Variants in CCDC124 observed in about 807,000 individuals in gnomAD.
CCDC124 encodes coiled-coil domain-containing protein 124.
CCDC124 carries 9 observed loss-of-function variants against 19.8 expected under a neutral mutation model. The ratio of observed to expected loss-of-function variants is 0.45; its 90% confidence interval spans 0.27 to 0.79. The LOEUF is 0.79. Among genes scored for constraint, CCDC124 ranks in the 30% least tolerant of loss-of-function variants. CCDC124 has a pLI of 0.14. For synonymous variants in CCDC124, 126 were observed against 131.3 expected, an observed-to-expected ratio of 0.96 and a Z score of 0.27; for missense variants, 285 against 319.0, an observed-to-expected ratio of 0.89 and a Z score of 0.81.
chr19:17,939,130 C>CAG (rs1235272323), intron 2 of CCDC124, among the ~76,000 whole-genome samples: 4 of 152,190 alleles, frequency 2.6e-5, no homozygotes, highest in African/African-American at 9.7e-5. Flanking sequence ...TGCGGTGGCT[C>CAG]ACGCCTGTCA....
chr19:17,936,474 T>G lies in CCDC124; in HGVS notation c.54T>G (p.Arg18=), dbSNP rs4808722. The G allele has an allele frequency of 0.37, 596,819 of 1,612,308 alleles. 114,824 individuals carry two copies. Among genetic ancestry groups the G allele is most frequent in the African/African-American group, 0.59 (44,457 of 74,974 alleles). The stretch of plus-strand genomic sequence containing the variant: ...CCAAGTCGGCAGCGGCCCGGGCACG[T>G]AGGGCAGAGGCCAAGGCGGCCGCTG... ...ENTKSAAARA[R]RAEAKAAADA... The change falls in exon 2 of 5, where the codon CGT becomes CGG. Residue 18 remains arginine (R), a synonymous_variant. Transcript: ENST00000445755.
chr19:17,941,555 T>TGA (rs971919856), intron 2 of CCDC124, among the ~76,000 whole-genome samples: 2 of 150,682 alleles, frequency 1.3e-5, no homozygotes, highest in African/African-American at 4.9e-5. Context: ...AATGTGTGTG[T>TGA]GACACGCATC....
Position 17,942,643 on chromosome 19 carries a change from G to A in CCDC124, c.160-13G>A, listed in dbSNP as rs776497505. On this transcript the variant is annotated splice_polypyrimidine_tract_variant and intron_variant, in intron 2 of 4. Coordinates refer to ENST00000445755, the MANE Select transcript of CCDC124 (RefSeq NM_001136203.2). This position sits in a 1 kb window ranked among gnomAD's most constrained non-coding sequence, Gnocchi z 4.2. ...TGGGGTCTTCTGCCTGACCATGCAC[G>A]CCGCCCCCGCAGGAGGAGAAGGAGA... 5.2e-6 allele frequency: 8 copies of A among 1,552,018 alleles called. No individual in the cohort carries two copies. The highest frequency in any genetic ancestry group is 3.9e-5 in the Admixed American group (2 of 50,938).
At position 17,943,241 on chromosome 19, in the gene CCDC124, T is replaced by TCTGGGGGCC; in HGVS notation, c.350-19_350-18insTGGGGGCCC. ...CTTTGCTTATCTCTCTCTGTCTCTGTCACCCACCCACCCGCCCAGCCGAGA... is the reference window on the plus strand; with the variant it reads ...CTTTGCTTATCTCTCTCTGTCTCTGTCTGGGGGCCCACCCACCCACCCGCCCAGCCGAGA... On this transcript the variant is annotated intron_variant, in intron 3 of 4. Coordinates refer to ENST00000445755, the MANE Select transcript of CCDC124 (RefSeq NM_001136203.2). The TCTGGGGGCC allele has an allele frequency of 2.0e-5, 15 of 736,636 alleles. No homozygotes were observed. The highest frequency in any genetic ancestry group is 8.1e-5 in the East Asian group (3 of 37,082). The allele number at this position is 736,636 out of a possible 1,614,324, so 45.6% of individuals were successfully genotyped here. A position where few individuals can be genotyped will look rare whatever the true frequency, so the allele number is the denominator to read the frequency against.
intron 2 of CCDC124, among the ~76,000 whole-genome samples, chr19:17,940,130 C>T (rs2031147723): frequency 6.6e-6 from 1 of 151,666 alleles, no homozygotes; most frequent in Admixed American, 6.6e-5. Context: ...CCAGGCTGGT[C>T]TCCAACTCCT....
At chr19:17,935,519 C>T (rs191363871) in intron 1 of CCDC124, among the ~76,000 whole-genome samples, 1 of 151,846 alleles carries the variant, frequency 6.6e-6, no homozygotes, top group East Asian at 1.9e-4. Context: ...CTCCCGGGTT[C>T]AAGTGATTCT....
chr19:17,941,557 A>G (rs982729386), intron 2 of CCDC124, among the ~76,000 whole-genome samples: 2 of 151,150 alleles, frequency 1.3e-5, no homozygotes, highest in African/African-American at 4.9e-5. Context: ...TGTGTGTGTG[A>G]CACGCATCGG....
At chr19:17,935,449 C>T (rs2031039669) in intron 1 of CCDC124, among the ~76,000 whole-genome samples, 1 of 151,132 alleles carries the variant, frequency 6.6e-6, no homozygotes, top group South Asian at 2.1e-4. Flanking sequence ...GAGATGGAGT[C>T]TCGCTCTGTC....
In CCDC124 at chr19:17,943,241, T is replaced by TGGGGGGGGG; in HGVS notation, c.350-20_350-19insGGGGGGGGG. 2.7e-6 allele frequency: 2 copies of TGGGGGGGGG among 736,646 alleles called. No individual in the cohort carries two copies. Among genetic ancestry groups the TGGGGGGGGG allele is most frequent in the Non-Finnish European group, 4.8e-6 (2 of 414,956 alleles). The allele number at this position is 736,646 out of a possible 1,614,324, so 45.6% of individuals were successfully genotyped here. ...CTTTGCTTATCTCTCTCTGTCTCTG[T>TGGGGGGGGG]CACCCACCCACCCGCCCAGCCGAGA... On this transcript the variant is annotated intron_variant, in intron 3 of 4. Coordinates refer to ENST00000445755, the MANE Select transcript of CCDC124 (RefSeq NM_001136203.2).
chr19:17,935,351 G>A (rs2031036108), intron 1 of CCDC124, among the ~76,000 whole-genome samples: 1 of 152,158 alleles, frequency 6.6e-6, no homozygotes, highest in African/African-American at 2.4e-5. Context: ...TTTGGGGGGT[G>A]CAAGTGTTCT....
In CCDC124 at chr19:17,943,241, T is replaced by TCGGGGGGGGGCCC; in HGVS notation, c.350-19_350-18insGGGGGGGGGCCCC. On this transcript the variant is annotated intron_variant, in intron 3 of 4. Transcript: ENST00000445755. ...CTTTGCTTATCTCTCTCTGTCTCTG[T>TCGGGGGGGGGCCC]CACCCACCCACCCGCCCAGCCGAGA... The TCGGGGGGGGGCCC allele has an allele frequency of 1.1e-5, 8 of 736,678 alleles. No individual in the cohort carries two copies. The highest frequency in any genetic ancestry group is 1.9e-5 in the Non-Finnish European group (8 of 414,970). 45.6% of individuals were successfully genotyped at this position (736,678 alleles called of 1,614,324 possible). A position where few individuals can be genotyped will look rare whatever the true frequency, so the allele number is the denominator to read the frequency against.
intron 2 of CCDC124, among the ~76,000 whole-genome samples, chr19:17,938,195 C>T (rs1004873363): frequency 2.6e-5 from 4 of 151,898 alleles, no homozygotes; most frequent in African/African-American, 7.3e-5. Context: ...TACAAATTAG[C>T]CATGCATGGT....
At chr19:17,936,367 C>T (rs2031062176) in intron 1 of CCDC124, 43 bp from the exon 2 acceptor site, 1 of 1,512,296 alleles carries the variant, frequency 6.6e-7, no homozygotes, top group African/African-American at 1.4e-5. Context: ...GTGCCGATGT[C>T]CCCTCCGGCC....
intron 2 of CCDC124, among the ~76,000 whole-genome samples, chr19:17,941,048 A>G (rs1335006836): frequency 1.3e-5 from 2 of 151,832 alleles, no homozygotes; most frequent in African/African-American, 4.8e-5. Flanking sequence ...TTCCGTCTCG[A>G]AAAAACAAAC....
At chr19:17,937,803 A>C (rs1043222564) in intron 2 of CCDC124, among the ~76,000 whole-genome samples, 1 of 152,024 alleles carries the variant, frequency 6.6e-6, no homozygotes, top group Admixed American at 6.6e-5. Flanking sequence ...GCGCGATCTC[A>C]GTTCACCGCA....
Position 17,943,752 on chromosome 19 carries a change from T to C in CCDC124, c.*37T>C. 1 of 1,594,544 alleles carries C rather than the reference T, an allele frequency of 6.3e-7. No individual in the cohort carries two copies. Among genetic ancestry groups the C allele is most frequent in the Non-Finnish European group, 8.6e-7 (1 of 1,167,512 alleles). On this transcript the variant is annotated 3_prime_UTR_variant, in exon 5 of 5. Coordinates refer to ENST00000445755, the MANE Select transcript of CCDC124 (RefSeq NM_001136203.2). ...GGGGAGCCAGTTCACCCACGGGTGGTCCAGGTCACGACTCTGCACGCCCTT... is the reference window on the plus strand; with the variant it reads ...GGGGAGCCAGTTCACCCACGGGTGGCCCAGGTCACGACTCTGCACGCCCTT...
rs1599968210 is a variant in CCDC124 at position 17,941,510 on chromosome 19, A to G, written c.160-1146A>G. On this transcript the variant is annotated intron_variant, in intron 2 of 4. Transcript: ENST00000445755. ...CTGGGCGACTGAGAGAGACTGTCTC[A>G]GAAAAAAAAAAAAAAAGGACCCTGT... is the stretch of plus-strand genomic sequence containing the variant. Among the ~76,000 whole-genome samples the G allele has an allele frequency of 4.7e-5, 7 of 150,424 alleles. No individual in the cohort carries two copies. The South Asian group carries it at 1.5e-3, about 32-fold the overall frequency.
chr19:17,942,620 G>T lies in CCDC124; in HGVS notation c.160-36G>T. 6.5e-7 allele frequency: 1 copy of T among 1,547,868 alleles called. No individual in the cohort carries two copies. The highest frequency in any genetic ancestry group is 8.7e-7 in the Non-Finnish European group (1 of 1,146,098). ...GGCTAGTGGGTGGCGCGGGGGTGTG[G>T]GGTCTTCTGCCTGACCATGCACGCC... On this transcript the variant is annotated intron_variant, in intron 2 of 4. Coordinates refer to ENST00000445755, the MANE Select transcript of CCDC124 (RefSeq NM_001136203.2). The surrounding 1 kb of genome is among the most constrained non-coding windows in gnomAD (Gnocchi z 4.2).
chr19:17,941,227 T>C (rs1377490163), intron 2 of CCDC124, among the ~76,000 whole-genome samples: 2 of 150,916 alleles, frequency 1.3e-5, no homozygotes, highest in Non-Finnish European at 3.0e-5. Flanking sequence ...ACATCATGCA[T>C]TGGCCAGGCA....
Sources: gnomAD v4.1 joint callset for allele counts (sites outside exome capture counted in the v4.1 genomes callset) on GRCh38, gnomAD v4.1.1 for gene constraint, Gnocchi (gnomAD v3.1) non-coding constraint, MANE v1.5 for transcripts, NCBI Gene and HGNC (gene_info 2026-07-23, HGNC 2026-07-21) for gene names.